The following C17orf58 variants were observed in gnomAD, a reference collection of about 807,000 sequenced individuals.
The protein encoded by C17orf58 is chromosome 17 open reading frame 58, also known as UPF0450 protein C17orf58.
Under a neutral mutation model 7.4 loss-of-function variants are expected in C17orf58, and 5 were observed. That is an observed-to-expected ratio of 0.67 (90% CI 0.35 to 1.42). C17orf58 has a LOEUF of 1.42. Among genes scored for constraint, C17orf58 ranks in the 40% most tolerant of loss-of-function variants. The pLI is 0.04. For missense variants in C17orf58, 162 were observed against 174.2 expected, an observed-to-expected ratio of 0.93 and a Z score of 0.40; for synonymous variants, 60 against 70.6, an observed-to-expected ratio of 0.85 and a Z score of 0.75.
rs1568260454 is a variant in C17orf58 at position 67,991,724 on chromosome 17, C to G, written c.*189G>C. On this transcript the variant is annotated 3_prime_UTR_variant, in exon 4 of 4. Coordinates refer to ENST00000580729, the MANE Select transcript of C17orf58 (RefSeq NM_001382359.1). ...ACCTTGACACTGAGCTCAGGAGCAG[C>G]CCATTTAAGAAGCATCTTGTAAATA... 7 of 485,906 alleles carry G rather than the reference C, an allele frequency of 1.4e-5. 1 individual carries two copies. In the Middle Eastern group the frequency reaches 3.3e-3, roughly 226 times the overall value. 30.1% of individuals were successfully genotyped at this position (485,906 alleles called of 1,614,324 possible).
At chr17:67,994,516 G>GTATATATATATATATATA (rs1555699618) in intron 1 of C17orf58, among the ~76,000 whole-genome samples, 10 of 89,500 alleles carry the variant, frequency 1.1e-4, no homozygotes, top group Admixed American at 6.2e-4. Flanking sequence ...GTGTGTGTGT[G>GTATATATATATATATATA]TATATATATA....
At chr17:67,995,999 C>A (rs1398397458) in intron 1 of C17orf58, 124 bp downstream of exon 1, 1 of 397,552 alleles carries the variant, frequency 2.5e-6, no homozygotes, top group Non-Finnish European at 4.4e-6. Context: ...AACGCAGACC[C>A]GGGGTGTCCT....
At chr17:67,994,535 T>TATATATATATATAAA (rs71142122) in intron 1 of C17orf58, among the ~76,000 whole-genome samples, 1 of 100,310 alleles carries the variant, frequency 1.0e-5, no homozygotes, top group African/African-American at 3.2e-5. Flanking sequence ...TATATATATA[T>TATATATATATATAAA]AAAACATATA....
chr17:67,993,450 C>G lies in C17orf58; in HGVS notation c.611G>C (p.Arg204Pro). ...ARACRSDLDEREAFCESEFAV... is the reference protein window; with the variant it reads ...ARACRSDLDEPEAFCESEFAV... ...GAATTCGCTCTCGCAGAACGCCTCG[C>G]GTTCGTCCAGATCGGACCGGCAGGC... The change falls in exon 2 of 4, where the codon CGC becomes CCC. Residue 204 changes from arginine (R) to proline (P), a missense_variant. Around this residue, in one of 3 missense-constraint regions of C17orf58, gnomAD observed 93 missense variants for 90.4 expected, o/e 1.03. Coordinates refer to ENST00000580729, the MANE Select transcript of C17orf58 (RefSeq NM_001382359.1). The surrounding 1 kb of genome is among the most constrained non-coding windows in gnomAD (Gnocchi z 5.1). 1.8e-6 allele frequency: 1 copy of G among 544,436 alleles called. No individual in the cohort carries two copies. Among genetic ancestry groups the G allele is most frequent in the Non-Finnish European group, 3.2e-6 (1 of 311,130 alleles). 33.7% of individuals were successfully genotyped at this position (544,436 alleles called of 1,614,324 possible).
At chr17:67,995,115 C>T (rs1555699687) in intron 1 of C17orf58, among the ~76,000 whole-genome samples, 3 of 152,188 alleles carry the variant, frequency 2.0e-5, no homozygotes, top group African/African-American at 4.8e-5. Context: ...TGCCCATTTG[C>T]AGCTCTGGCA....
Position 67,993,230 on chromosome 17 carries a change from T to G in C17orf58, c.643A>C (p.Asn215His), listed in dbSNP as rs2070854981. Residue 215 changes from asparagine (N) to histidine (H), a missense_variant, in exon 3 of 4, where the codon AAC (asparagine) becomes CAC (histidine). Coordinates refer to ENST00000580729, the MANE Select transcript of C17orf58 (RefSeq NM_001382359.1). The surrounding 1 kb of genome is among the most constrained non-coding windows in gnomAD (Gnocchi z 5.1). Reference sequence around the variant, plus strand: ...ACGTCCACATCGTGCACGATCCCGTTCACCGCTGCTTCCGAAAAACAGTTT... The same window carrying G: ...ACGTCCACATCGTGCACGATCCCGTGCACCGCTGCTTCCGAAAAACAGTTT... Reference protein sequence around the residue: ...EAFCESEFAVNGIVHDVDVLG... With the variant: ...EAFCESEFAVHGIVHDVDVLG... 6.4e-6 allele frequency: 10 copies of G among 1,554,092 alleles called. No homozygotes were observed. The highest frequency in any genetic ancestry group is 7.9e-6 in the Non-Finnish European group (9 of 1,137,364).
At chr17:67,992,677 A>T (rs1357631352) in intron 3 of C17orf58, among the ~76,000 whole-genome samples, 1 of 151,182 alleles carries the variant, frequency 6.6e-6, no homozygotes, top group African/African-American at 2.4e-5. Context: ...GTCTAGAAAG[A>T]TGTGGGAGTG....
rs1244199425 is a variant in C17orf58 at position 67,994,516 on chromosome 17, G to GTGTA, written c.77-533_77-532insTACA. Among the ~76,000 whole-genome samples the GTGTA allele has an allele frequency of 2.1e-3, 186 of 89,528 alleles. 3 individuals carry two copies. Among genetic ancestry groups the GTGTA allele is most frequent in the African/African-American group, 6.7e-3 (178 of 26,714 alleles). The allele number at this position is 89,528 out of a possible 152,430, so 58.7% of individuals were successfully genotyped here. A position where few individuals can be genotyped will look rare whatever the true frequency, so the allele number is the denominator to read the frequency against. On this transcript the variant is annotated intron_variant, in intron 1 of 3. Coordinates refer to ENST00000580729, the MANE Select transcript of C17orf58 (RefSeq NM_001382359.1). The stretch of plus-strand genomic sequence containing the variant: ...TGCGTGTGTGTGTGTGTGTGTGTGT[G>GTGTA]TATATATATATATATATATAAAACA...
intron 3 of C17orf58, 53 bp from the exon 4 acceptor site, chr17:67,992,156 A>G: frequency 1.4e-6 from 2 of 1,454,628 alleles, no homozygotes; most frequent in Non-Finnish European, 1.8e-6. Flanking sequence ...ATGCCATGAA[A>G]CAGAAAATGT....
chr17:67,991,878 G>C lies in C17orf58; in HGVS notation c.*35C>G. On this transcript the variant is annotated 3_prime_UTR_variant, in exon 4 of 4. Transcript: ENST00000580729. ...TTCATGTCTTGTTGCCGACGTCCAA[G>C]TCTCTTGCGGTCCAGAAATGCCAGG... 2 of 1,546,642 alleles carry C rather than the reference G, an allele frequency of 1.3e-6. No individual in the cohort carries two copies. Among genetic ancestry groups the C allele is most frequent in the Non-Finnish European group, 1.8e-6 (2 of 1,139,768 alleles).
At chr17:67,992,944 C>CA (rs782101326) in intron 3 of C17orf58, 100 bp downstream of exon 3, 6 of 1,613,764 alleles carry the variant, frequency 3.7e-6, no homozygotes, top group Non-Finnish European at 5.1e-6. Flanking sequence ...CCATCGCTCC[C>CA]AAAAAAAGGC....
intron 3 of C17orf58, 46 bp downstream of exon 3, chr17:67,992,998 G>A (rs782810899): frequency 1.9e-6 from 3 of 1,614,084 alleles, no homozygotes; most frequent in Non-Finnish European, 8.5e-7. Context: ...GTTACAAACG[G>A]TGGTATAAAG....
chr17:67,996,026 C>G lies in C17orf58; in HGVS notation c.76+97G>C, dbSNP rs2070888867. 1.0e-5 allele frequency: 4 copies of G among 397,592 alleles called. No individual in the cohort carries two copies. In the East Asian group the frequency reaches 1.1e-4, roughly 11 times the overall value. 24.6% of individuals were successfully genotyped at this position (397,592 alleles called of 1,614,324 possible). A position where few individuals can be genotyped will look rare whatever the true frequency, so the allele number is the denominator to read the frequency against. On this transcript the variant is annotated intron_variant, in intron 1 of 3. Coordinates refer to ENST00000580729, the MANE Select transcript of C17orf58 (RefSeq NM_001382359.1). ...GGGTGTCCTCTCTTGCGAGCTCTGACCCCCCTCCTCGTCCCACGTTTCACT... is the reference window on the plus strand; with the variant it reads ...GGGTGTCCTCTCTTGCGAGCTCTGAGCCCCCTCCTCGTCCCACGTTTCACT...
In C17orf58 at chr17:67,993,682, C is replaced by G. The variant is rs2070863600; in HGVS notation, c.379G>C (p.Ala127Pro). 1 of 145,134 alleles carries G rather than the reference C, an allele frequency of 6.9e-6. No individual in the cohort carries two copies. Among genetic ancestry groups the G allele is most frequent in the Non-Finnish European group, 1.5e-5 (1 of 65,444 alleles). The allele number at this position is 145,134 out of a possible 1,614,324, so 9.0% of individuals were successfully genotyped here. Residue 127 changes from alanine (A) to proline (P), a missense_variant, in exon 2 of 4, where the codon GCG becomes CCG. Physicochemically the swap from Ala to Pro is conservative, Grantham distance 27. Coordinates refer to ENST00000580729, the MANE Select transcript of C17orf58 (RefSeq NM_001382359.1). This position sits in a 1 kb window ranked among gnomAD's most constrained non-coding sequence, Gnocchi z 5.1. Reference protein sequence around the residue: ...EPASEDAPRRARSRALRFPAA... With the variant: ...EPASEDAPRRPRSRALRFPAA... The stretch of plus-strand genomic sequence containing the variant: ...GGGAAGCGCAGGGCCCGTGAGCGCG[C>G]GCGTCGCGGGGCGTCCTCCGACGCG...
In C17orf58 at chr17:67,991,846, T is replaced by C. The variant is rs2070833961; in HGVS notation, c.*67A>G. On this transcript the variant is annotated 3_prime_UTR_variant, in exon 4 of 4. Coordinates refer to ENST00000580729, the MANE Select transcript of C17orf58 (RefSeq NM_001382359.1). ...TGAAGGAGGACCCATTACATGAAGG[T>C]AGACCTTTCATGTCTTGTTGCCGAC... The C allele has an allele frequency of 3.7e-6, 5 of 1,351,158 alleles. No individual in the cohort carries two copies. The South Asian group carries it at 5.8e-5, about 16-fold the overall frequency. The allele number at this position is 1,351,158 out of a possible 1,614,324, so 83.7% of individuals were successfully genotyped here.
intron 3 of C17orf58, chr17:67,992,816 G>T: frequency 6.8e-7 from 1 of 1,468,024 alleles, no homozygotes; most frequent in Non-Finnish European, 9.2e-7. Flanking sequence ...TTTATTGACA[G>T]CCCGCTTTGT....
In C17orf58 at chr17:67,991,897, T is replaced by C. The variant is rs1555699274; in HGVS notation, c.*16A>G. ...GTCCAAGTCTCTTGCGGTCCAGAAA[T>C]GCCAGGATGGTTGTTTCAAATGCAT... On this transcript the variant is annotated 3_prime_UTR_variant, in exon 4 of 4. Transcript: ENST00000580729. 1 of 1,583,006 alleles carries C rather than the reference T, an allele frequency of 6.3e-7. No homozygotes were observed. The highest frequency in any genetic ancestry group is 1.3e-5 in the African/African-American group (1 of 74,320).
intron 1 of C17orf58, among the ~76,000 whole-genome samples, chr17:67,994,701 C>T (rs781945955): frequency 1.7e-4 from 26 of 151,728 alleles, no homozygotes; most frequent in Admixed American, 3.9e-4. Flanking sequence ...ACTGTCATCC[C>T]GGTCTCTGCA....
intron 1 of C17orf58, among the ~76,000 whole-genome samples, chr17:67,994,518 A>G (rs868965305): frequency 7.4e-5 from 8 of 108,820 alleles, no homozygotes; most frequent in African/African-American, 2.8e-4. Flanking sequence ...GTGTGTGTGT[A>G]TATATATATA....
Sources: allele counts gnomAD v4.1 joint callset (sites outside exome capture counted in the v4.1 genomes callset), GRCh38; gene constraint gnomAD v4.1.1; regional missense constraint gnomAD v4.1.1; non-coding constraint Gnocchi (gnomAD v3.1); transcripts MANE v1.5; gene names NCBI Gene and HGNC (gene_info 2026-07-23, HGNC 2026-07-21).